SLC25A26: variants seen among roughly 807,000 people sequenced by gnomAD.
SLC25A26 encodes solute carrier family 25 member 26, also known as mitochondrial S-adenosylmethionine carrier protein.
Under a neutral mutation model 37.8 loss-of-function variants are expected in SLC25A26, and 36 were observed. The ratio of observed to expected loss-of-function variants is 0.95; its 90% CI spans 0.73 to 1.26. The LOEUF (loss-of-function observed/expected upper bound fraction) is 1.26, where lower values mean the gene tolerates loss of function less well. Ranked by LOEUF, SLC25A26 falls within the 50% of genes most tolerant of loss-of-function variation. The probability of loss-of-function intolerance (pLI) is 0.00; values close to 1 mark genes in which losing one functional copy is unlikely to be tolerated. For synonymous variants in SLC25A26, 129 were observed against 122.5 expected, an observed-to-expected ratio of 1.05 and a Z score of -0.35; for missense variants, 390 against 331.1, an observed-to-expected ratio of 1.18 and a Z score of -1.38.
intron 2 of SLC25A26, among the ~76,000 whole-genome samples, chr3:66,240,313 C>G (rs2072512784): frequency 6.6e-6 from 1 of 152,136 alleles, no homozygotes; most frequent in Non-Finnish European, 1.5e-5. Flanking sequence ...CCCCTGAGAC[C>G]AGGTCTCACT....
intron 1 of SLC25A26, among the ~76,000 whole-genome samples, chr3:66,165,435 T>C (rs2070412545): frequency 6.6e-6 from 1 of 152,242 alleles, no homozygotes; most frequent in Admixed American, 6.5e-5. Context: ...CAGCCATAGA[T>C]AATGAATACA....
At chr3:66,303,335 C>T (rs556649467) in intron 5 of SLC25A26, among the ~76,000 whole-genome samples, 1 of 152,196 alleles carries the variant, frequency 6.6e-6, no homozygotes, top group Admixed American at 6.5e-5. Flanking sequence ...GGAAAGACTT[C>T]TGGGAACAGC....
intron 5 of SLC25A26, among the ~76,000 whole-genome samples, chr3:66,274,650 A>T (rs782725): frequency 0.4 from 60,010 of 151,026 alleles, 10,535 homozygotes; most frequent in African/African-American, 0.64. Context: ...ACATGAAAAA[A>T]TGCTCATCAT....
intron 9 of SLC25A26, among the ~76,000 whole-genome samples, chr3:66,376,607 A>G (rs1700661384): frequency 6.6e-6 from 1 of 152,258 alleles, no homozygotes; most frequent in African/African-American, 2.4e-5. Flanking sequence ...TGCATACTTA[A>G]TAGACTGTAG....
chr3:66,254,894 A>T (rs782311262), intron 3 of SLC25A26, among the ~76,000 whole-genome samples: 26 of 152,252 alleles, frequency 1.7e-4, no homozygotes, highest in African/African-American at 4.3e-4. Context: ...TAATGTTAAT[A>T]AAAGGTATTA....
intron 5 of SLC25A26, 99 bp downstream of exon 5, chr3:66,263,478 T>A: frequency 3.8e-6 from 3 of 794,046 alleles, no homozygotes; most frequent in Admixed American, 5.3e-5. Context: ...TTGGAGAAAC[T>A]TGGTTTAAAA....
chr3:66,282,404 C>T (rs901948115), intron 5 of SLC25A26, among the ~76,000 whole-genome samples: 1 of 152,172 alleles, frequency 6.6e-6, no homozygotes. Flanking sequence ...CCTTGGCCTC[C>T]CAAAGTGCTG....
chr3:66,137,954 C>T (rs2069972271), intron 1 of SLC25A26, among the ~76,000 whole-genome samples: 1 of 152,168 alleles, frequency 6.6e-6, no homozygotes, highest in African/African-American at 2.4e-5. Context: ...CCACCTCAGC[C>T]TCCAGAGCAG....
intron 1 of SLC25A26, among the ~76,000 whole-genome samples, chr3:66,184,829 T>C (rs979976071): frequency 8.5e-5 from 13 of 152,064 alleles, no homozygotes; most frequent in Admixed American, 6.6e-5. Context: ...CTGTCCCTGG[T>C]CGTGACCCTG....
At chr3:66,164,031 AAT>A (rs1364492151) in intron 1 of SLC25A26, among the ~76,000 whole-genome samples, 1 of 152,212 alleles carries the variant, frequency 6.6e-6, no homozygotes, top group Non-Finnish European at 1.5e-5. Flanking sequence ...CCAAAATGTC[AAT>A]AGTGTTGGGG....
chr3:66,327,131 T>G (rs964989337), intron 5 of SLC25A26, among the ~76,000 whole-genome samples: 1 of 152,222 alleles, frequency 6.6e-6, no homozygotes, highest in Non-Finnish European at 1.5e-5. Flanking sequence ...GGCAACAGGT[T>G]GAGTGAAGAA....
At chr3:66,137,433 G>A (rs2069964033) in intron 1 of SLC25A26, among the ~76,000 whole-genome samples, 1 of 151,886 alleles carries the variant, frequency 6.6e-6, no homozygotes, top group Non-Finnish European at 1.5e-5. Context: ...TCACCATGTT[G>A]GCCAAGATGG....
At chr3:66,259,712 T>C (rs1328177802) in intron 3 of SLC25A26, among the ~76,000 whole-genome samples, 1 of 152,118 alleles carries the variant, frequency 6.6e-6, no homozygotes, top group Non-Finnish European at 1.5e-5. Flanking sequence ...TGGCTCGTGG[T>C]CCCCCTTTGC....
intron 5 of SLC25A26, among the ~76,000 whole-genome samples, chr3:66,312,942 T>A (rs545489220): frequency 5.7e-4 from 87 of 152,302 alleles, no homozygotes; most frequent in African/African-American, 1.9e-3. Flanking sequence ...GCTGTTCCTA[T>A]TCAGCCATCT....
intron 1 of SLC25A26, among the ~76,000 whole-genome samples, chr3:66,173,717 T>G (rs1205584617): frequency 6.6e-6 from 1 of 152,226 alleles, no homozygotes; most frequent in Non-Finnish European, 1.5e-5. Flanking sequence ...TTCCTCATAG[T>G]GACACAGTGT....
intron 5 of SLC25A26, among the ~76,000 whole-genome samples, chr3:66,335,208 T>C (rs76708380): frequency 0.048 from 7,328 of 152,320 alleles, 234 homozygotes; most frequent in South Asian, 0.075. Context: ...TGGCTTTTCT[T>C]TAAATGTATA....
chr3:66,278,666 C>CAGAGGAATATA, intron 5 of SLC25A26, among the ~76,000 whole-genome samples: 1 of 152,088 alleles, frequency 6.6e-6, no homozygotes, highest in East Asian at 1.9e-4. Context: ...ATTTTAGAAA[C>CAGAGGAATATA]TTTAAGTTAT....
intron 6 of SLC25A26, among the ~76,000 whole-genome samples, chr3:66,346,715 C>CGTGCGTGT (rs1390289705): frequency 7.2e-4 from 100 of 138,976 alleles, no homozygotes; most frequent in Non-Finnish European, 1.4e-3. Context: ...TTGCTGTGTG[C>CGTGCGTGT]GTGTGTGTGT....
intron 1 of SLC25A26, among the ~76,000 whole-genome samples, chr3:66,212,585 C>G (rs2071298667): frequency 6.6e-6 from 1 of 152,298 alleles, no homozygotes; most frequent in Non-Finnish European, 1.5e-5. Context: ...GGGGGATATA[C>G]TGTATCCATT....
Sources: allele counts gnomAD v4.1 joint callset (sites outside exome capture counted in the v4.1 genomes callset), GRCh38; gene constraint gnomAD v4.1.1; transcripts MANE v1.5; gene names NCBI Gene and HGNC (gene_info 2026-07-23, HGNC 2026-07-21).